The following MED27 variants were observed in gnomAD, a reference collection of about 807,000 sequenced individuals.
MED27 encodes the protein mediator complex subunit 27, also known as mediator of RNA polymerase II transcription subunit 27.
A neutral mutation model predicts 38.2 loss-of-function variants in MED27; 30 were observed. The observed-to-expected ratio is 0.79, with a 90% CI of 0.59 to 1.07. The LOEUF (loss-of-function observed/expected upper bound fraction) is 1.07, where lower values mean the gene tolerates loss of function less well. Ranked by LOEUF, MED27 falls within the 50% of genes least tolerant of loss-of-function variation. The pLI is 0.00. For synonymous variants in MED27, 122 were observed against 153.5 expected, an observed-to-expected ratio of 0.79 and a Z score of 1.52; for missense variants, 289 against 397.5, an observed-to-expected ratio of 0.73 and a Z score of 2.32.
chr9:131,878,598 C>T (rs1293557318), intron 6 of MED27, among the ~76,000 whole-genome samples: 1 of 152,128 alleles, frequency 6.6e-6, no homozygotes, highest in Admixed American at 6.6e-5. Flanking sequence ...GTGGTACACA[C>T]ACTCCACCTC....
At chr9:132,005,109 T>C (rs1000164607) in intron 3 of MED27, among the ~76,000 whole-genome samples, 2 of 152,182 alleles carry the variant, frequency 1.3e-5, no homozygotes, top group African/African-American at 4.8e-5. Context: ...TACCTGCCAA[T>C]AACAGGAGTA....
chr9:132,026,001 G>A (rs986737164), intron 2 of MED27, among the ~76,000 whole-genome samples: 13 of 152,290 alleles, frequency 8.5e-5, no homozygotes, highest in Admixed American at 8.5e-4. Flanking sequence ...GGAATGCACA[G>A]GAATGGCTGA....
intron 2 of MED27, among the ~76,000 whole-genome samples, chr9:132,075,372 G>A (rs1360799047): frequency 6.6e-6 from 1 of 152,180 alleles, no homozygotes; most frequent in Non-Finnish European, 1.5e-5. Flanking sequence ...TTCTTTTACA[G>A]ATGCTTAACC....
chr9:132,043,375 GT>G (rs1833263149), intron 2 of MED27, among the ~76,000 whole-genome samples: 1 of 150,546 alleles, frequency 6.6e-6, no homozygotes, highest in South Asian at 2.1e-4. Flanking sequence ...TCAAAATTCA[GT>G]TAGGTGGGGT....
intron 2 of MED27, among the ~76,000 whole-genome samples, chr9:132,045,190 A>G (rs760344217): frequency 3.3e-5 from 5 of 152,210 alleles, no homozygotes; most frequent in African/African-American, 9.6e-5. Flanking sequence ...AAAGACAAAT[A>G]TATGTACCAA....
chr9:131,904,319 G>T (rs555809510), intron 4 of MED27, among the ~76,000 whole-genome samples: 2 of 152,256 alleles, frequency 1.3e-5, no homozygotes, highest in Admixed American at 1.3e-4. Context: ...GATTACAGGT[G>T]TGAGCCACTG....
At chr9:132,062,448 G>C (rs987567021) in intron 2 of MED27, among the ~76,000 whole-genome samples, 3 of 152,222 alleles carry the variant, frequency 2.0e-5, no homozygotes, top group African/African-American at 7.2e-5. Flanking sequence ...GGGCCCATCT[G>C]AACATGGCAA....
chr9:131,918,465 T>C (rs1319360322), intron 4 of MED27, among the ~76,000 whole-genome samples: 1 of 152,130 alleles, frequency 6.6e-6, no homozygotes, highest in African/African-American at 2.4e-5. Context: ...TAAGTAGTAT[T>C]TGCCAAGCAA....
intron 4 of MED27, among the ~76,000 whole-genome samples, chr9:131,920,177 C>T (rs1233769353): frequency 6.6e-6 from 1 of 152,142 alleles, no homozygotes; most frequent in Non-Finnish European, 1.5e-5. Context: ...AGTAAAGAAA[C>T]TAATGATCTT....
At chr9:132,022,214 C>T (rs1324739879) in intron 2 of MED27, among the ~76,000 whole-genome samples, 1 of 152,122 alleles carries the variant, frequency 6.6e-6, no homozygotes, top group Non-Finnish European at 1.5e-5. Flanking sequence ...AAGAAGGCCA[C>T]GTCAGATGCA....
intron 6 of MED27, among the ~76,000 whole-genome samples, chr9:131,882,349 G>C (rs1460344345): frequency 1.3e-5 from 2 of 152,170 alleles, no homozygotes; most frequent in Non-Finnish European, 2.9e-5. Flanking sequence ...ATTTTCTTGT[G>C]GGGTAAGGAA....
At chr9:131,877,656 C>A (rs923238431) in intron 6 of MED27, among the ~76,000 whole-genome samples, 2 of 152,182 alleles carry the variant, frequency 1.3e-5, no homozygotes, top group Non-Finnish European at 2.9e-5. Flanking sequence ...ACCACACACC[C>A]AACTAAGGTG....
At chr9:131,894,532 T>C (rs1829794156) in intron 4 of MED27, among the ~76,000 whole-genome samples, 1 of 152,030 alleles carries the variant, frequency 6.6e-6, no homozygotes, top group East Asian at 1.9e-4. Context: ...AAAAGGAAAG[T>C]AGCTGAATTT....
At chr9:132,069,121 A>G (rs1004579001) in intron 2 of MED27, among the ~76,000 whole-genome samples, 3 of 152,230 alleles carry the variant, frequency 2.0e-5, no homozygotes, top group African/African-American at 4.8e-5. Flanking sequence ...TACAATGTAC[A>G]GAAGGCTCTG....
At chr9:131,950,330 C>T (rs1483000835) in intron 3 of MED27, among the ~76,000 whole-genome samples, 2 of 152,106 alleles carry the variant, frequency 1.3e-5, no homozygotes, top group Non-Finnish European at 2.9e-5. Context: ...AACCTGTGGG[C>T]GGCAGACATT....
At chr9:132,073,570 C>T in intron 2 of MED27, 1 of 1,384,158 alleles carries the variant, frequency 7.2e-7, no homozygotes, top group Non-Finnish European at 9.3e-7. Flanking sequence ...CTGTTAGTTC[C>T]ATGATGCAAA....
intron 1 of MED27, among the ~76,000 whole-genome samples, chr9:132,079,192 A>T (rs1410940117): frequency 2.6e-5 from 4 of 152,062 alleles, no homozygotes; most frequent in Admixed American, 2.6e-4. Flanking sequence ...GAACTGATGA[A>T]GTCCAAGTTC....
chr9:131,868,753 G>C (rs1186666807), intron 6 of MED27: 1 of 985,390 alleles, frequency 1.0e-6, no homozygotes, highest in Non-Finnish European at 1.2e-6. Context: ...TAAAGGTGCA[G>C]GCCCAGGGCT....
intron 4 of MED27, among the ~76,000 whole-genome samples, chr9:131,908,750 A>G (rs1364192228): frequency 6.6e-6 from 1 of 152,148 alleles, no homozygotes; most frequent in Non-Finnish European, 1.5e-5. Flanking sequence ...GGAAGGCCGC[A>G]GGGTCCTCTG....
Sources: gnomAD v4.1 joint callset for allele counts (sites outside exome capture counted in the v4.1 genomes callset) on GRCh38, gnomAD v4.1.1 for gene constraint, MANE v1.5 for transcripts, NCBI Gene and HGNC (gene_info 2026-07-23, HGNC 2026-07-21) for gene names.